The following MBD5 variants were observed in gnomAD, a reference collection of about 807,000 sequenced individuals.
MBD5 encodes the protein methyl-CpG-binding domain protein 5.
Under a neutral mutation model 117.3 loss-of-function variants are expected in MBD5, and 13 were observed. That is an observed-to-expected ratio of 0.11 (90% CI 0.07 to 0.18). MBD5 has a LOEUF of 0.18. Ranked by LOEUF, MBD5 falls within the 10% of genes least tolerant of loss-of-function variation. The pLI, the probability that MBD5 is intolerant of heterozygous loss-of-function variation, is 1.00. For synonymous variants in MBD5, 727 were observed against 766.4 expected (o/e 0.95, Z 0.85); for missense variants, 1,879 against 2,093.8 (o/e 0.90, Z 2.00).
intron 4 of MBD5, among the ~76,000 whole-genome samples, chr2:148,421,043 C>G (rs1327283135): frequency 6.6e-6 from 1 of 152,158 alleles, no homozygotes; most frequent in Non-Finnish European, 1.5e-5. Flanking sequence ...TGGTGCTCTG[C>G]TAGATTAAGT....
chr2:148,306,534 G>A (rs1004991147), intron 3 of MBD5, among the ~76,000 whole-genome samples: 8 of 152,018 alleles, frequency 5.3e-5, no homozygotes, highest in Non-Finnish European at 1.0e-4. Flanking sequence ...GAGAGATTAG[G>A]CAGGGAGAAA....
At chr2:148,151,234 T>G (rs1697653495) in intron 1 of MBD5, among the ~76,000 whole-genome samples, 1 of 152,112 alleles carries the variant, frequency 6.6e-6, no homozygotes, top group Non-Finnish European at 1.5e-5. Context: ...GTTTATGTGC[T>G]GGATTACATT....
intron 3 of MBD5, among the ~76,000 whole-genome samples, chr2:148,312,196 C>A (rs1000874388): frequency 6.6e-6 from 1 of 152,130 alleles, no homozygotes; most frequent in Non-Finnish European, 1.5e-5. Context: ...ATGTTGACCT[C>A]CCTTGCTAGG....
chr2:148,174,478 C>T (rs916266227), intron 1 of MBD5, among the ~76,000 whole-genome samples: 2 of 151,960 alleles, frequency 1.3e-5, no homozygotes, highest in Non-Finnish European at 2.9e-5. Context: ...GAAAAAGCTT[C>T]TGTACAGCAA....
chr2:148,483,481 A>C lies in MBD5; in HGVS notation c.2890A>C (p.Asn964His). Reference protein sequence around the residue: ...NLHPLGFLNPNVNAALAFLSS... With the variant: ...NLHPLGFLNPHVNAALAFLSS... ...CCACCCTTTAGGTTTTCTCAACCCG[A>C]ATGTAAACGCTGCTTTAGCTTTTCT... is the stretch of plus-strand genomic sequence containing the variant. The change falls in exon 9 of 14, where the codon AAT becomes CAT. Residue 964 changes from asparagine to histidine, a missense_variant. Asn to His is a moderately conservative substitution (Grantham distance 68). Coordinates refer to ENST00000642680, the MANE Select transcript of MBD5 (RefSeq NM_001378120.1). The C allele has an allele frequency of 1.9e-6, 3 of 1,613,942 alleles. No individual in the cohort carries two copies. The highest frequency in any genetic ancestry group is 1.3e-5 in the African/African-American group (1 of 75,022).
intron 4 of MBD5, among the ~76,000 whole-genome samples, chr2:148,385,166 G>A (rs1270890937): frequency 6.6e-6 from 1 of 152,140 alleles, no homozygotes; most frequent in Non-Finnish European, 1.5e-5. Context: ...TACCATCAGA[G>A]TGAACAGGCA....
intron 3 of MBD5, among the ~76,000 whole-genome samples, chr2:148,266,063 A>G (rs1700852352): frequency 6.6e-6 from 1 of 152,198 alleles, no homozygotes; most frequent in African/African-American, 2.4e-5. Context: ...TGATTTTAAT[A>G]TCTAAATCAG....
chr2:148,399,627 TA>T (rs1277020237), intron 4 of MBD5, among the ~76,000 whole-genome samples: 1 of 152,166 alleles, frequency 6.6e-6, no homozygotes, highest in Non-Finnish European at 1.5e-5. Context: ...CCTCTTTACC[TA>T]ATTGAATACC....
At chr2:148,278,552 A>C (rs1237361022) in intron 3 of MBD5, among the ~76,000 whole-genome samples, 1 of 152,162 alleles carries the variant, frequency 6.6e-6, no homozygotes, top group Non-Finnish European at 1.5e-5. Context: ...TCATTTTAAA[A>C]ATCTTCATAC....
intron 4 of MBD5, among the ~76,000 whole-genome samples, chr2:148,368,609 G>A (rs1319398196): frequency 1.3e-5 from 2 of 152,116 alleles, no homozygotes; most frequent in Non-Finnish European, 2.9e-5. Flanking sequence ...TACTAAGGCG[G>A]TCTTGTGTTA....
chr2:148,158,260 G>A (rs904277054), intron 1 of MBD5, among the ~76,000 whole-genome samples: 7 of 152,144 alleles, frequency 4.6e-5, no homozygotes, highest in Non-Finnish European at 8.8e-5. Flanking sequence ...AAGAGAAAAT[G>A]TCATGAAAAA....
intron 3 of MBD5, among the ~76,000 whole-genome samples, chr2:148,284,084 ACT>A (rs1701314392): frequency 6.6e-6 from 1 of 152,200 alleles, no homozygotes; most frequent in Non-Finnish European, 1.5e-5. Context: ...ATAGTAGCAT[ACT>A]ATATATACTA....
chr2:148,497,595 A>G (rs1475019816), intron 11 of MBD5, among the ~76,000 whole-genome samples: 1 of 152,036 alleles, frequency 6.6e-6, no homozygotes, highest in African/African-American at 2.4e-5. Context: ...AGGCTAAGGT[A>G]GGATGATCAC....
intron 3 of MBD5, among the ~76,000 whole-genome samples, chr2:148,271,754 T>C (rs1700992146): frequency 6.6e-6 from 1 of 151,602 alleles, no homozygotes; most frequent in Non-Finnish European, 1.5e-5. Context: ...CTAGTTAGCA[T>C]ATGCATTACC....
In MBD5 at chr2:148,510,236, G is replaced by A. The variant is rs1682177053; in HGVS notation, c.5112+101G>A. ...TGAGTATTGTCAAACAACTCACATAGCAATACTAAATTACTAGCCTAGAAA... is the reference window on the plus strand; with the variant it reads ...TGAGTATTGTCAAACAACTCACATAACAATACTAAATTACTAGCCTAGAAA... On this transcript the variant is annotated intron_variant, in intron 13 of 13. Transcript: ENST00000642680. The A allele has an allele frequency of 6.1e-6, 5 of 814,256 alleles. No individual in the cohort carries two copies. In the Admixed American group the frequency reaches 6.4e-5, roughly 10 times the overall value. The allele number at this position is 814,256 out of a possible 1,614,324, so 50.4% of individuals were successfully genotyped here.
chr2:148,419,464 A>G (rs1006244581), intron 4 of MBD5, among the ~76,000 whole-genome samples: 2 of 152,140 alleles, frequency 1.3e-5, no homozygotes, highest in African/African-American at 4.8e-5. Context: ...TGTGAATTTT[A>G]TGAGCTATGA....
At chr2:148,416,284 G>T (rs1249560796) in intron 4 of MBD5, among the ~76,000 whole-genome samples, 1 of 152,150 alleles carries the variant, frequency 6.6e-6, no homozygotes, top group African/African-American at 2.4e-5. Context: ...GCTGGTACTG[G>T]GCCCCCAGCT....
At chr2:148,315,064 T>C (rs1225234558) in intron 3 of MBD5, among the ~76,000 whole-genome samples, 5 of 152,126 alleles carry the variant, frequency 3.3e-5, no homozygotes, top group Non-Finnish European at 7.4e-5. Context: ...GAGCCCAAGA[T>C]TGGAGCCTAG....
intron 3 of MBD5, among the ~76,000 whole-genome samples, chr2:148,294,507 T>TTTGTTTTGTTTTTTTTTTTTGTTTG (rs1701595730): frequency 8.0e-6 from 1 of 124,260 alleles, no homozygotes; most frequent in African/African-American, 3.3e-5. Context: ...TACAGTTTTT[T>TTTGTTTTGTTTTTTTTTTTTGTTTG]TTTTTTTTTT....
Sources: allele counts gnomAD v4.1 joint callset (sites outside exome capture counted in the v4.1 genomes callset), GRCh38; gene constraint gnomAD v4.1.1; transcripts MANE v1.5; gene names NCBI Gene and HGNC (gene_info 2026-07-23, HGNC 2026-07-21).